The following NAALADL1 variants were observed in gnomAD, a reference collection of about 807,000 sequenced individuals.
The protein encoded by NAALADL1 is aminopeptidase NAALADL1.
A neutral mutation model predicts 82.8 loss-of-function variants in NAALADL1; 77 were observed. The ratio of observed to expected loss-of-function variants is 0.93; its 90% CI spans 0.77 to 1.12. The LOEUF is 1.12. NAALADL1 is among the 50% of genes most tolerant of loss of function. The pLI, the probability that NAALADL1 is intolerant of heterozygous loss-of-function variation, is 0.00. For synonymous variants in NAALADL1, 358 were observed against 399.2 expected (o/e 0.90, Z 1.23); for missense variants, 956 against 964.0 (o/e 0.99, Z 0.11).
Position 65,054,123 on chromosome 11 carries a change from G to A in NAALADL1, c.992+127C>T. ...ATATTTTGGGGTCAGGAGAGGGTCT[G>A]GGAGAGAGAGGAAAGGGAAAAAGGT... On this transcript the variant is annotated intron_variant, in intron 6 of 17. Transcript: ENST00000358658. This position sits in a 1 kb window ranked among gnomAD's most constrained non-coding sequence, Gnocchi z 4.3. 1 of 821,746 alleles carries A rather than the reference G, an allele frequency of 1.2e-6. No homozygotes were observed. Among genetic ancestry groups the A allele is most frequent in the East Asian group, 2.6e-5 (1 of 37,912 alleles). The allele number at this position is 821,746 out of a possible 1,614,324, so 50.9% of individuals were successfully genotyped here.
Position 65,045,127 on chromosome 11 carries a change from C to A in NAALADL1, c.*144G>T. 1 of 919,824 alleles carries A rather than the reference C, an allele frequency of 1.1e-6. No homozygotes were observed. Among genetic ancestry groups the A allele is most frequent in the Non-Finnish European group, 1.6e-6 (1 of 621,216 alleles). 57.0% of individuals were successfully genotyped at this position (919,824 alleles called of 1,614,324 possible). A position where few individuals can be genotyped will look rare whatever the true frequency, so the allele number is the denominator to read the frequency against. ...TTGCATTAGGGCTTGCCACTCCCCTCAGGGACCTCAAGCTGTTGCCTGAGA... is the reference window on the plus strand; with the variant it reads ...TTGCATTAGGGCTTGCCACTCCCCTAAGGGACCTCAAGCTGTTGCCTGAGA... On this transcript the variant is annotated 3_prime_UTR_variant, in exon 18 of 18. Transcript: ENST00000358658.
rs770138143 is a variant in NAALADL1, at chr11:65,045,182, C to G, written c.*89G>C. ...TGAGAGGGTCCTGTGGTAGTGCCCT[C>G]TTCTGGCACCAAGGAAGACCAGGAC... On this transcript the variant is annotated 3_prime_UTR_variant, in exon 18 of 18. Transcript: ENST00000358658. The G allele has an allele frequency of 6.9e-7, 1 of 1,445,286 alleles. No homozygotes were observed. The allele number at this position is 1,445,286 out of a possible 1,614,324, so 89.5% of individuals were successfully genotyped here. A position where few individuals can be genotyped will look rare whatever the true frequency, so the allele number is the denominator to read the frequency against.
rs768666744 is a variant in NAALADL1, at chr11:65,054,076, C to T, written c.992+174G>A. On this transcript the variant is annotated intron_variant, in intron 6 of 17. Coordinates refer to ENST00000358658, the MANE Select transcript of NAALADL1 (RefSeq NM_005468.3). This position sits in a 1 kb window ranked among gnomAD's most constrained non-coding sequence, Gnocchi z 4.3. ...ACAGGAAACAGCAGCAGCTGTTTCA[C>T]GGGCTTCCCCAAAAACAAGACATAT... Among the ~76,000 whole-genome samples, 23 of 151,998 alleles carry T rather than the reference C, an allele frequency of 1.5e-4. No individual in the cohort carries two copies. Among genetic ancestry groups the T allele is most frequent in the Non-Finnish European group, 2.4e-4 (16 of 68,014 alleles).
At position 65,048,807 on chromosome 11, in the gene NAALADL1, C is replaced by T. The variant is rs143241842; in HGVS notation, c.1199-422G>A. On this transcript the variant is annotated intron_variant, in intron 8 of 17. Coordinates refer to ENST00000358658, the MANE Select transcript of NAALADL1 (RefSeq NM_005468.3). ...GGAGATACTATTATTATTTCCATTT[C>T]ACAGTTGAAGAAGCTGAGAGAAGCT... Among the ~76,000 whole-genome samples, 644 of 152,278 alleles carry T rather than the reference C, an allele frequency of 4.2e-3. 4 individuals are homozygous for T. Among genetic ancestry groups the T allele is most frequent in the African/African-American group, 0.015 (619 of 41,542 alleles).
At chr11:65,055,931 G>A (rs996315205) in intron 4 of NAALADL1, among the ~76,000 whole-genome samples, 3 of 148,100 alleles carry the variant, frequency 2.0e-5, no homozygotes, top group African/African-American at 7.5e-5. Context: ...TGTCCCCCAG[G>A]CTGGAGTGCA....
chr11:65,057,771 G>T, intron 3 of NAALADL1, 104 bp downstream of exon 3: 3 of 1,528,992 alleles, frequency 2.0e-6, no homozygotes, highest in Non-Finnish European at 2.7e-6. Context: ...TCCGGAGGGC[G>T]CGCTGTGCCC....
intron 8 of NAALADL1, among the ~76,000 whole-genome samples, chr11:65,049,542 C>T (rs573978371): frequency 6.6e-6 from 1 of 152,250 alleles, no homozygotes; most frequent in South Asian, 2.1e-4. Context: ...CTAGTGTGAT[C>T]CTGGATTGGA....
chr11:65,048,446 A>ATCAG, intron 8 of NAALADL1, 61 bp from the exon 9 acceptor site: 1 of 1,587,982 alleles, frequency 6.3e-7, no homozygotes, highest in Non-Finnish European at 8.6e-7. Context: ...GTGCCTTAGG[A>ATCAG]GAAAGGCTGC....
rs1946721010 is a variant in NAALADL1, at chr11:65,046,215, AG to A, written c.1828del (p.Leu610CysfsTer13). 6 of 1,614,116 alleles carry A rather than the reference AG, an allele frequency of 3.7e-6. No individual in the cohort carries two copies. The highest frequency in any genetic ancestry group is 4.2e-6 in the Non-Finnish European group (5 of 1,180,020). On this transcript the variant is annotated frameshift_variant, in exon 15 of 18. Transcript: ENST00000358658. LOFTEE classifies it high-confidence loss of function. ...CAGGCTGATGCTGTGCTGCTCCAGC[AG>A]GGCCCCAAGATCTTGCTGGGCTGCC... ...LQAAQQDLGA[L>X]LEQHSISLGP... is the part of the protein sequence containing the mutation.
In NAALADL1 at chr11:65,044,942, C is replaced by T. The variant is rs960214899; in HGVS notation, c.*329G>A. 1.7e-5 allele frequency: 11 copies of T among 652,674 alleles called. No homozygotes were observed. The highest frequency in any genetic ancestry group is 1.1e-4 in the African/African-American group (6 of 54,898). 40.4% of individuals were successfully genotyped at this position (652,674 alleles called of 1,614,324 possible). On this transcript the variant is annotated 3_prime_UTR_variant, in exon 18 of 18. Coordinates refer to ENST00000358658, the MANE Select transcript of NAALADL1 (RefSeq NM_005468.3). This position sits in a 1 kb window ranked among gnomAD's most constrained non-coding sequence, Gnocchi z 4.0. ...CCTAAGGTACCCCAAGACTCACTTT[C>T]GCCACTGGTCCTTGGCCTTGATGAC... is the stretch of plus-strand genomic sequence containing the variant.
chr11:65,054,890 T>A lies in NAALADL1; in HGVS notation c.604-152A>T. On this transcript the variant is annotated intron_variant, in intron 4 of 17. Coordinates refer to ENST00000358658, the MANE Select transcript of NAALADL1 (RefSeq NM_005468.3). This position sits in a 1 kb window ranked among gnomAD's most constrained non-coding sequence, Gnocchi z 4.3. ...CACAAGTCATTTATGGCAGTGCCTC[T>A]TGCAACAGTAAAGGCCAGTTCGGCA... 2 of 1,052,228 alleles carry A rather than the reference T, an allele frequency of 1.9e-6. No individual in the cohort carries two copies. Among genetic ancestry groups the A allele is most frequent in the Non-Finnish European group, 2.7e-6 (2 of 746,170 alleles). 65.2% of individuals were successfully genotyped at this position (1,052,228 alleles called of 1,614,324 possible). A position where few individuals can be genotyped will look rare whatever the true frequency, so the allele number is the denominator to read the frequency against.
At chr11:65,057,639 A>C (rs1947077988) in intron 3 of NAALADL1, 146 bp from the exon 4 acceptor site, 1 of 1,292,298 alleles carries the variant, frequency 7.7e-7, no homozygotes, top group Non-Finnish European at 1.0e-6. Context: ...AAGAACAGTC[A>C]CCCCTCATTT....
rs751344599 is a variant in NAALADL1, at chr11:65,045,485, GGTCA to G, written c.2037-32_2037-29del. On this transcript the variant is annotated intron_variant, in intron 17 of 17. Coordinates refer to ENST00000358658, the MANE Select transcript of NAALADL1 (RefSeq NM_005468.3). The stretch of plus-strand genomic sequence containing the variant: ...GACAAGAGAAATGGGACAGGATCAG[GGTCA>G]GTCAGTCAGGGGCCAGGAAAGAGAA... 28 of 1,572,482 alleles carry G rather than the reference GGTCA, an allele frequency of 1.8e-5. No homozygotes were observed. The Middle Eastern group carries it at 5.6e-4, about 31-fold the overall frequency.
intron 13 of NAALADL1, among the ~76,000 whole-genome samples, chr11:65,047,091 A>G (rs928962939): frequency 8.6e-5 from 13 of 151,462 alleles, no homozygotes; most frequent in African/African-American, 2.9e-4. Flanking sequence ...AATATTGCAT[A>G]ACATAACGGC....
At chr11:65,059,418 C>T (rs542111188), upstream of NAALADL1, among the ~76,000 whole-genome samples, 4 of 152,324 alleles carry the variant, frequency 2.6e-5, no homozygotes, top group South Asian at 8.3e-4. Context: ...TCATCTGACT[C>T]TGGAAAATGT....
intron 8 of NAALADL1, among the ~76,000 whole-genome samples, chr11:65,050,001 G>A (rs1194117763): frequency 4.0e-5 from 6 of 151,232 alleles, no homozygotes; most frequent in Admixed American, 6.6e-5. Flanking sequence ...TCAGCCTCCC[G>A]AGTAGCTGGG....
At chr11:65,051,728 G>A (rs1044971443) in intron 8 of NAALADL1, among the ~76,000 whole-genome samples, 1 of 151,986 alleles carries the variant, frequency 6.6e-6, no homozygotes, top group African/African-American at 2.4e-5. Context: ...CAGTTGAGTG[G>A]GTATCGGTTC....
chr11:65,051,968 C>T (rs375767006), intron 8 of NAALADL1, among the ~76,000 whole-genome samples: 26 of 152,192 alleles, frequency 1.7e-4, no homozygotes, highest in Admixed American at 5.9e-4. Flanking sequence ...TCACTTGAGT[C>T]CTGGAGTTCA....
chr11:65,052,591 C>T (rs1016156753), intron 8 of NAALADL1, among the ~76,000 whole-genome samples: 6 of 152,164 alleles, frequency 3.9e-5, no homozygotes, highest in African/African-American at 1.4e-4. Context: ...GGATTACAGG[C>T]GTGAGCCACT....
Sources: gnomAD v4.1 joint callset for allele counts (sites outside exome capture counted in the v4.1 genomes callset) on GRCh38, gnomAD v4.1.1 for gene constraint, Gnocchi (gnomAD v3.1) non-coding constraint, MANE v1.5 for transcripts, NCBI Gene and HGNC (gene_info 2026-07-23, HGNC 2026-07-21) for gene names.